IFT56: variants seen among roughly 807,000 people sequenced by gnomAD.
The protein encoded by IFT56 is intraflagellar transport 56.
chr7:139,160,841 T>G, the IFT56 span: 1 of 744,536 alleles, frequency 1.3e-6, no homozygotes. Context: ...GAGGATCAAA[T>G]GAAATAGCAT....
the IFT56 span, among the ~76,000 whole-genome samples, chr7:139,167,096 T>C: frequency 6.6e-6 from 1 of 152,232 alleles, no homozygotes; most frequent in Non-Finnish European, 1.5e-5. Flanking sequence ...TTGATGTTTT[T>C]AAACTCCCTT....
At chr7:139,133,912 C>T in the IFT56 span, 1 of 1,610,364 alleles carries the variant, frequency 6.2e-7, no homozygotes, top group Non-Finnish European at 8.5e-7. Flanking sequence ...CTGAGGCTGG[C>T]GATTAGAGGT....
the IFT56 span, chr7:139,138,004 A>C: frequency 1.1e-6 from 1 of 913,818 alleles, no homozygotes; most frequent in Non-Finnish European, 1.7e-6. Flanking sequence ...ACTTTATATT[A>C]TAATAATACA....
the IFT56 span, chr7:139,174,005 T>G: frequency 1.6e-6 from 1 of 624,978 alleles, no homozygotes; most frequent in Non-Finnish European, 3.1e-6. Flanking sequence ...CATTTTCATC[T>G]TTTTCATCAA....
chr7:139,142,686 G>T, the IFT56 span, among the ~76,000 whole-genome samples: 1 of 152,146 alleles, frequency 6.6e-6, no homozygotes, highest in Non-Finnish European at 1.5e-5. Context: ...AAAAAAATTA[G>T]CTGGGCTTGG....
At chr7:139,157,068 T>G in the IFT56 span, among the ~76,000 whole-genome samples, 1 of 152,058 alleles carries the variant, frequency 6.6e-6, no homozygotes. Context: ...GGGAGATAAT[T>G]GATAGTTTTA....
the IFT56 span, chr7:139,164,986 T>C: frequency 5.9e-6 from 3 of 512,674 alleles, no homozygotes; most frequent in Non-Finnish European, 1.0e-5. Context: ...CAGCCAATAG[T>C]AAAAGTTCTC....
At chr7:139,183,363 G>T in the IFT56 span, among the ~76,000 whole-genome samples, 4 of 152,136 alleles carry the variant, frequency 2.6e-5, no homozygotes, top group Non-Finnish European at 2.9e-5. Flanking sequence ...TACAGGAACA[G>T]CAGGAAAACG....
chr7:139,135,253 T>G, the IFT56 span, among the ~76,000 whole-genome samples: 1 of 121,630 alleles, frequency 8.2e-6, no homozygotes, highest in African/African-American at 3.3e-5. Flanking sequence ...CACTCCAGCC[T>G]GGCTACAAGG....
At chr7:139,143,137 A>C in the IFT56 span, among the ~76,000 whole-genome samples, 1 of 152,164 alleles carries the variant, frequency 6.6e-6, no homozygotes, top group Non-Finnish European at 1.5e-5. Flanking sequence ...AATTTATAAA[A>C]ATGTCATTCT....
the IFT56 span, among the ~76,000 whole-genome samples, chr7:139,187,001 G>A: frequency 5.0e-4 from 76 of 150,824 alleles, no homozygotes; most frequent in Non-Finnish European, 1.0e-3. Context: ...GGCTGAGGCA[G>A]GAGAATGGCG....
the IFT56 span, among the ~76,000 whole-genome samples, chr7:139,180,356 A>C: frequency 6.6e-6 from 1 of 150,660 alleles, no homozygotes; most frequent in South Asian, 2.1e-4. Context: ...AAAAAAAAGA[A>C]CTTTACTTTG....
At chr7:139,174,285 C>T in the IFT56 span, 17 of 568,050 alleles carry the variant, frequency 3.0e-5, no homozygotes, top group Non-Finnish European at 4.6e-5. Context: ...GACGGCAGGG[C>T]GTCCCACGGG....
At chr7:139,139,087 C>T in the IFT56 span, among the ~76,000 whole-genome samples, 1 of 152,238 alleles carries the variant, frequency 6.6e-6, no homozygotes, top group Non-Finnish European at 1.5e-5. Context: ...GCTGGGATTA[C>T]AGGCGTGAGC....
At chr7:139,185,022 C>G in the IFT56 span, among the ~76,000 whole-genome samples, 264 of 150,298 alleles carry the variant, frequency 1.8e-3, 6 homozygotes, top group African/African-American at 6.1e-3. Flanking sequence ...CCACTGCACT[C>G]CAGCCTGGGT....
At chr7:139,163,454 A>T in the IFT56 span, among the ~76,000 whole-genome samples, 2 of 152,210 alleles carry the variant, frequency 1.3e-5, no homozygotes, top group African/African-American at 2.4e-5. Context: ...AGAAAAGTCC[A>T]TTGAATTTGG....
At chr7:139,181,230 A>G in the IFT56 span, 1 of 1,495,632 alleles carries the variant, frequency 6.7e-7, no homozygotes, top group East Asian at 2.3e-5. Context: ...GGGAACATTA[A>G]AGATTCATTA....
the IFT56 span, chr7:139,134,621 T>C: frequency 1.9e-6 from 3 of 1,577,458 alleles, no homozygotes; most frequent in Non-Finnish European, 2.6e-6. Context: ...ATAATCAGAA[T>C]TGGACCATAC....
chr7:139,175,149 G>C, the IFT56 span, among the ~76,000 whole-genome samples: 2 of 152,288 alleles, frequency 1.3e-5, no homozygotes, highest in East Asian at 3.9e-4. Flanking sequence ...TCTCACTCCA[G>C]TTAAAATGGC....
Sources: allele counts gnomAD v4.1 joint callset (sites outside exome capture counted in the v4.1 genomes callset), GRCh38; gene constraint gnomAD v4.1.1; transcripts MANE v1.5; gene names NCBI Gene and HGNC (gene_info 2026-07-23, HGNC 2026-07-21).